Variants in CTDSPL observed in about 807,000 individuals in gnomAD.
CTDSPL encodes CTD small phosphatase-like protein.
CTDSPL carries 8 observed loss-of-function variants against 30.5 expected under a neutral mutation model. The ratio of observed to expected loss-of-function variants is 0.26; its 90% CI spans 0.15 to 0.47. The LOEUF (loss-of-function observed/expected upper bound fraction) is 0.47. Among genes scored for constraint, CTDSPL ranks in the 20% least tolerant of loss-of-function variants. CTDSPL has a pLI of 0.99. For synonymous variants in CTDSPL, 110 were observed against 137.9 expected (o/e 0.80, Z 1.42); for missense variants, 248 against 366.1 (o/e 0.68, Z 2.63).
intron 1 of CTDSPL, among the ~76,000 whole-genome samples, chr3:37,914,817 G>A (rs1046717767): frequency 4.7e-5 from 7 of 150,518 alleles, no homozygotes; most frequent in African/African-American, 7.3e-5. Flanking sequence ...AATGAGTTGG[G>A]AAGTGTTTTT....
chr3:37,965,102 T>C (rs909042322), intron 4 of CTDSPL, among the ~76,000 whole-genome samples: 1 of 152,182 alleles, frequency 6.6e-6, no homozygotes, highest in East Asian at 1.9e-4. Flanking sequence ...TTTTCCCAGA[T>C]TGATTTTTGA....
intron 1 of CTDSPL, among the ~76,000 whole-genome samples, chr3:37,878,758 A>G (rs1698167007): frequency 6.6e-6 from 1 of 152,172 alleles, no homozygotes; most frequent in African/African-American, 2.4e-5. Context: ...CAGATTTTGT[A>G]TCGTGTATCT....
intron 3 of CTDSPL, among the ~76,000 whole-genome samples, chr3:37,963,384 CTT>C (rs1320773710): frequency 3.9e-5 from 6 of 152,134 alleles, no homozygotes; most frequent in Non-Finnish European, 8.8e-5. Context: ...TGATCACTGA[CTT>C]TCAGTTTGAA....
At chr3:37,954,702 G>T (rs1041169146) in intron 2 of CTDSPL, 1 of 152,340 alleles carries the variant, frequency 6.6e-6, no homozygotes. Flanking sequence ...AGCTGCTTCT[G>T]CAGCAGCGGC....
chr3:37,937,239 C>A (rs1443281440), intron 1 of CTDSPL, among the ~76,000 whole-genome samples: 2 of 150,058 alleles, frequency 1.3e-5, no homozygotes, highest in Non-Finnish European at 3.0e-5. Context: ...ATGGTTTAGA[C>A]GTGGTTTGTC....
chr3:37,894,814 C>A (rs1228677135), intron 1 of CTDSPL, among the ~76,000 whole-genome samples: 1 of 152,064 alleles, frequency 6.6e-6, no homozygotes, highest in Non-Finnish European at 1.5e-5. Flanking sequence ...AGTTCACTGA[C>A]CTTTTCTGTT....
intron 1 of CTDSPL, among the ~76,000 whole-genome samples, chr3:37,872,819 C>T (rs529688815): frequency 3.9e-5 from 6 of 152,134 alleles, no homozygotes; most frequent in Middle Eastern, 3.4e-3. Context: ...CTGATCTGCC[C>T]GCCCTGGCCT....
At chr3:37,888,314 A>T (rs1485252322) in intron 1 of CTDSPL, among the ~76,000 whole-genome samples, 2 of 152,242 alleles carry the variant, frequency 1.3e-5, no homozygotes, top group Non-Finnish European at 2.9e-5. Flanking sequence ...CTAAGGTGAC[A>T]CAAAGCTGAA....
chr3:37,885,854 A>G (rs1416684271), intron 1 of CTDSPL, among the ~76,000 whole-genome samples: 3 of 152,162 alleles, frequency 2.0e-5, no homozygotes, highest in Non-Finnish European at 1.5e-5. Context: ...GCCAAATGGT[A>G]TATTTCTTTT....
Position 37,923,793 on chromosome 3 carries a change from GT to G in CTDSPL, c.80-23252del, listed in dbSNP as rs74963285. On this transcript the variant is annotated intron_variant, in intron 1 of 7. Transcript: ENST00000273179. Reference sequence around the variant, plus strand: ...TTCTAAGTATTCCTTGCTTTTCTCTGTTTTTTTTTTTTAATGAAACAACACA... The same window carrying G: ...TTCTAAGTATTCCTTGCTTTTCTCTGTTTTTTTTTTTAATGAAACAACACA... Among the ~76,000 whole-genome samples the G allele has an allele frequency of 8.5e-3, 1,202 of 141,014 alleles. 12 individuals carry two copies. Among genetic ancestry groups the G allele is most frequent in the African/African-American group, 0.023 (884 of 38,658 alleles). The allele number at this position is 141,014 out of a possible 152,430, so 92.5% of individuals were successfully genotyped here.
chr3:37,901,553 G>A (rs1285044110), intron 1 of CTDSPL, among the ~76,000 whole-genome samples: 1 of 152,170 alleles, frequency 6.6e-6, no homozygotes, highest in African/African-American at 2.4e-5. Flanking sequence ...CCTAATAATA[G>A]TAATACTTGA....
At chr3:37,909,895 C>T (rs1008041711) in intron 1 of CTDSPL, among the ~76,000 whole-genome samples, 5 of 152,180 alleles carry the variant, frequency 3.3e-5, no homozygotes, top group Non-Finnish European at 7.3e-5. Flanking sequence ...ACATTTATTT[C>T]CCACAAAGTG....
chr3:37,937,165 G>T lies in CTDSPL; in HGVS notation c.80-9892G>T, dbSNP rs773468916. ...CAGCCAAGGAGTAGGATGGGAGTCA[G>T]TGGATAGAAAACTGCTAAGAAGAAA... On this transcript the variant is annotated intron_variant, in intron 1 of 7. Coordinates refer to ENST00000273179, the MANE Select transcript of CTDSPL (RefSeq NM_001008392.2). 1.3e-5 allele frequency among the ~76,000 whole-genome samples: 2 copies of T among 150,380 alleles called. 1 individual carries two copies. Among genetic ancestry groups the T allele is most frequent in the Non-Finnish European group, 3.0e-5 (2 of 67,112 alleles).
At chr3:37,919,124 G>A (rs935352042) in intron 1 of CTDSPL, among the ~76,000 whole-genome samples, 3 of 151,994 alleles carry the variant, frequency 2.0e-5, no homozygotes, top group Non-Finnish European at 4.4e-5. Flanking sequence ...CCCCCACCAA[G>A]CAGCTCTTTT....
At chr3:37,974,602 T>C (rs1475202781) in intron 6 of CTDSPL, among the ~76,000 whole-genome samples, 1 of 152,236 alleles carries the variant, frequency 6.6e-6, no homozygotes, top group Non-Finnish European at 1.5e-5. Context: ...TTATGAGGAT[T>C]TTCTCTCAGA....
chr3:37,916,467 C>G (rs145625907), intron 1 of CTDSPL, among the ~76,000 whole-genome samples: 1 of 152,096 alleles, frequency 6.6e-6, no homozygotes, highest in Non-Finnish European at 1.5e-5. Context: ...AAGGTAAGGT[C>G]GTACTGGAGG....
chr3:37,872,832 C>T (rs1365263799), intron 1 of CTDSPL, among the ~76,000 whole-genome samples: 3 of 152,144 alleles, frequency 2.0e-5, no homozygotes, highest in Non-Finnish European at 4.4e-5. Context: ...CCTGGCCTCC[C>T]AAAGTGCTGG....
intron 6 of CTDSPL, among the ~76,000 whole-genome samples, chr3:37,974,193 C>T (rs937949060): frequency 2.0e-5 from 3 of 152,232 alleles, no homozygotes; most frequent in African/African-American, 7.2e-5. Context: ...ACCCACGTGG[C>T]CCCTGGTTAG....
intron 4 of CTDSPL, among the ~76,000 whole-genome samples, chr3:37,965,856 C>T (rs1278103896): frequency 6.6e-6 from 1 of 152,206 alleles, no homozygotes; most frequent in Non-Finnish European, 1.5e-5. Flanking sequence ...GTTCTGGCTA[C>T]TGGGGCATGC....
Sources: allele counts gnomAD v4.1 joint callset (sites outside exome capture counted in the v4.1 genomes callset), GRCh38; gene constraint gnomAD v4.1.1; transcripts MANE v1.5; gene names NCBI Gene and HGNC (gene_info 2026-07-23, HGNC 2026-07-21).